Variants in ABTB3 observed in about 807,000 individuals in gnomAD.
ABTB3 encodes the protein ankyrin repeat- and BTB/POZ domain-containing protein 3.
the ABTB3 span, among the ~76,000 whole-genome samples, chr12:107,603,143 A>C: frequency 2.0e-5 from 3 of 152,200 alleles, no homozygotes; most frequent in Non-Finnish European, 4.4e-5. Flanking sequence ...CAGGCCACGG[A>C]GGGACATGTT....
At chr12:107,469,851 CTCTTTCTTTCTTTCTTT>C in the ABTB3 span, among the ~76,000 whole-genome samples, 40 of 139,494 alleles carry the variant, frequency 2.9e-4, no homozygotes, top group African/African-American at 7.9e-5. Flanking sequence ...CTCTCTCTTT[CTCTTTCTTTCTTTCTTT>C]TCTTTCTTTC....
chr12:107,342,356 G>C, the ABTB3 span, among the ~76,000 whole-genome samples: 1 of 152,114 alleles, frequency 6.6e-6, no homozygotes, highest in African/African-American at 2.4e-5. Context: ...CTGAGGTGTA[G>C]TTGGCTTGCT....
At chr12:107,473,586 T>C in the ABTB3 span, among the ~76,000 whole-genome samples, 2 of 152,084 alleles carry the variant, frequency 1.3e-5, no homozygotes, top group Non-Finnish European at 2.9e-5. Flanking sequence ...ACTCCTGACC[T>C]CAAGTGATCT....
the ABTB3 span, among the ~76,000 whole-genome samples, chr12:107,579,993 G>C: frequency 6.6e-6 from 1 of 152,148 alleles, no homozygotes; most frequent in African/African-American, 2.4e-5. Context: ...TGATTCCCAG[G>C]CCCTCTCATG....
the ABTB3 span, among the ~76,000 whole-genome samples, chr12:107,547,020 C>A: frequency 6.6e-6 from 1 of 152,066 alleles, no homozygotes; most frequent in African/African-American, 2.4e-5. Context: ...ATGGCAAGAC[C>A]CCATCTCTAT....
the ABTB3 span, among the ~76,000 whole-genome samples, chr12:107,406,186 T>C: frequency 1.3e-5 from 2 of 152,180 alleles, no homozygotes; most frequent in Non-Finnish European, 1.5e-5. Flanking sequence ...AGATTATGGC[T>C]TCACATACGA....
At chr12:107,542,311 C>CAAAAAAAA in the ABTB3 span, among the ~76,000 whole-genome samples, 4 of 119,202 alleles carry the variant, frequency 3.4e-5, no homozygotes, top group Non-Finnish European at 3.4e-5. Flanking sequence ...AACTCTGTCT[C>CAAAAAAAA]AAAAAAAAAA....
the ABTB3 span, among the ~76,000 whole-genome samples, chr12:107,507,612 C>A: frequency 1.3e-5 from 2 of 152,304 alleles, no homozygotes; most frequent in South Asian, 2.1e-4. Flanking sequence ...TCGATGCTCC[C>A]CTCCATGATC....
At chr12:107,586,763 A>G in the ABTB3 span, among the ~76,000 whole-genome samples, 1 of 152,118 alleles carries the variant, frequency 6.6e-6, no homozygotes, top group Non-Finnish European at 1.5e-5. Context: ...TGTATGGAGC[A>G]CCTGCTGTGT....
At chr12:107,646,872 T>C in the ABTB3 span, among the ~76,000 whole-genome samples, 1 of 151,386 alleles carries the variant, frequency 6.6e-6, no homozygotes, top group Non-Finnish European at 1.5e-5. Flanking sequence ...GGCGCCCCAC[T>C]GCAGATGACC....
the ABTB3 span, among the ~76,000 whole-genome samples, chr12:107,348,454 G>T: frequency 1.3e-5 from 2 of 152,132 alleles, no homozygotes; most frequent in East Asian, 1.9e-4. Context: ...ACCTGTTCAC[G>T]CCTGGTGCAG....
the ABTB3 span, among the ~76,000 whole-genome samples, chr12:107,591,850 T>C: frequency 6.6e-6 from 1 of 152,202 alleles, no homozygotes; most frequent in Non-Finnish European, 1.5e-5. Flanking sequence ...TCTTCACATC[T>C]GAGGAACTTG....
chr12:107,629,866 C>T, the ABTB3 span, among the ~76,000 whole-genome samples: 1 of 152,138 alleles, frequency 6.6e-6, no homozygotes, highest in Non-Finnish European at 1.5e-5. Context: ...CCAGGACTTA[C>T]CAAGCCCATA....
chr12:107,594,714 A>AG, the ABTB3 span, among the ~76,000 whole-genome samples: 1 of 151,940 alleles, frequency 6.6e-6, no homozygotes, highest in Non-Finnish European at 1.5e-5. Context: ...TGTGTTGAGG[A>AG]GGGGGGCCAG....
chr12:107,401,373 G>A, the ABTB3 span, among the ~76,000 whole-genome samples: 9 of 152,120 alleles, frequency 5.9e-5, no homozygotes, highest in South Asian at 2.1e-4. Flanking sequence ...CTGGCTCTCC[G>A]CTTTGGTGAT....
the ABTB3 span, among the ~76,000 whole-genome samples, chr12:107,505,814 A>C: frequency 6.6e-6 from 1 of 152,180 alleles, no homozygotes; most frequent in Admixed American, 6.5e-5. Context: ...GTGTTAGTTA[A>C]GGATAATGGC....
At chr12:107,542,623 T>G in the ABTB3 span, among the ~76,000 whole-genome samples, 1 of 152,180 alleles carries the variant, frequency 6.6e-6, no homozygotes, top group East Asian at 1.9e-4. Context: ...ACTGAACCCC[T>G]ATGCAGTCAA....
At chr12:107,328,152 A>G in the ABTB3 span, among the ~76,000 whole-genome samples, 1 of 152,220 alleles carries the variant, frequency 6.6e-6, no homozygotes. Flanking sequence ...TAATAGAGCT[A>G]GCCACCTCAA....
the ABTB3 span, among the ~76,000 whole-genome samples, chr12:107,376,246 G>T: frequency 6.6e-6 from 1 of 152,082 alleles, no homozygotes; most frequent in African/African-American, 2.4e-5. Context: ...AAACATATTT[G>T]GTTCTTTTGT....
Sources: gnomAD v4.1 joint callset for allele counts (sites outside exome capture counted in the v4.1 genomes callset) on GRCh38, gnomAD v4.1.1 for gene constraint, MANE v1.5 for transcripts, NCBI Gene and HGNC (gene_info 2026-07-23, HGNC 2026-07-21) for gene names.